The following ZFP64 variants were observed in gnomAD, a reference collection of about 807,000 sequenced individuals.
ZFP64 encodes the protein zinc finger protein 64.
A neutral mutation model predicts 51.6 loss-of-function variants in ZFP64; 14 were observed. The observed-to-expected ratio is 0.27, with a 90% confidence interval of 0.18 to 0.42. The LOEUF (loss-of-function observed/expected upper bound fraction) is 0.42, where lower values mean the gene tolerates loss of function less well. Among genes scored for constraint, ZFP64 ranks in the 10% least tolerant of loss-of-function variants. The pLI, the probability that ZFP64 is intolerant of heterozygous loss-of-function variation, is 1.00. For synonymous variants in ZFP64, 375 were observed against 361.4 expected (o/e 1.04, Z -0.43); for missense variants, 754 against 906.8 (o/e 0.83, Z 2.16).
chr20:52,191,559 G>A lies in ZFP64; in HGVS notation c.46+32C>T. 2 of 1,553,606 alleles carry A rather than the reference G, an allele frequency of 1.3e-6. No individual in the cohort carries two copies. Among genetic ancestry groups the A allele is most frequent in the South Asian group, 1.2e-5 (1 of 84,252 alleles). On this transcript the variant is annotated intron_variant, in intron 1 of 5. Transcript: ENST00000216923. The surrounding 1 kb of genome is among the most constrained non-coding windows in gnomAD (Gnocchi z 4.3). ...GGCCCCGGAGCGCGCACTGGGCCCC[G>A]GAGCGCGCACTGCTCCCGGAAAAGC...
rs539255440 is a variant in ZFP64, at chr20:52,187,348, G to A, written c.47-277C>T. On this transcript the variant is annotated intron_variant, in intron 1 of 5. Coordinates refer to ENST00000216923, the MANE Select transcript of ZFP64 (RefSeq NM_018197.3). ...GAAATCTTCAGAAAATTGGCCAGGC[G>A]CGGTGGCTCATGCCTGTAATCCTGG... 8.5e-5 allele frequency among the ~76,000 whole-genome samples: 13 copies of A among 152,174 alleles called. No individual in the cohort carries two copies. The East Asian group carries it at 1.4e-3, about 16-fold the overall frequency.
downstream of ZFP64, among the ~76,000 whole-genome samples, chr20:52,147,769 C>T (rs111897744): frequency 0.36 from 54,986 of 152,002 alleles, 10,645 homozygotes; most frequent in Non-Finnish European, 0.42. Flanking sequence ...AATCCCAGCA[C>T]TTTGGGAGGC....
chr20:52,110,967 G>C (rs1418002354), intron 5 of ZFP64: 1 of 1,523,794 alleles, frequency 6.6e-7, no homozygotes, highest in African/African-American at 1.4e-5. Context: ...TCACCAAGAC[G>C]AACCTGCTTT....
In ZFP64 at chr20:52,155,875, G is replaced by C. The variant is rs1298580724; in HGVS notation, c.764-2447C>G. 2.6e-5 allele frequency among the ~76,000 whole-genome samples: 4 copies of C among 152,280 alleles called. No homozygotes were observed. In the East Asian group the frequency reaches 7.7e-4, roughly 29 times the overall value. On this transcript the variant is annotated intron_variant, in intron 5 of 5. Transcript: ENST00000216923. ...TTGGGTTGCTACTAAAACAAGTGTT[G>C]ATGTAGTCTATCCAATTGCCGAAAG...
chr20:52,148,968 C>T (rs1343320795), downstream of ZFP64, among the ~76,000 whole-genome samples: 4 of 152,140 alleles, frequency 2.6e-5, no homozygotes, highest in African/African-American at 7.2e-5. Flanking sequence ...TGACTGATGT[C>T]GGGTTAATGT....
In ZFP64 at chr20:52,160,246, C is replaced by T. The variant is rs1489592282; in HGVS notation, c.640G>A (p.Asp214Asn). 1.9e-6 allele frequency: 3 copies of T among 1,613,956 alleles called. No individual in the cohort carries two copies. The highest frequency in any genetic ancestry group is 2.2e-5 in the East Asian group (1 of 44,882). ...KCKTCDYAAA[D>N]SSSLNKHLRI... is the part of the protein sequence containing the mutation. Reference sequence around the variant, plus strand: ...AGGTGCTTGTTGAGGCTGCTGCTGTCGGCAGCGGCGTAGTCACACGTCTTA... The same window carrying T: ...AGGTGCTTGTTGAGGCTGCTGCTGTTGGCAGCGGCGTAGTCACACGTCTTA... The change falls in exon 5 of 6, where the codon GAC becomes AAC. Residue 214 changes from aspartate (D) to asparagine (N), a missense_variant. Around this residue, in one of 3 missense-constraint regions of ZFP64, gnomAD observed 231 missense variants for 336.7 expected, o/e 0.69. Transcript: ENST00000216923. The surrounding 1 kb of genome is among the most constrained non-coding windows in gnomAD (Gnocchi z 4.2).
chr20:52,108,002 G>T (rs1226938947), intron 5 of ZFP64, among the ~76,000 whole-genome samples: 1 of 152,218 alleles, frequency 6.6e-6, no homozygotes, highest in Non-Finnish European at 1.5e-5. Context: ...GAGGTTGGTG[G>T]ATCACTTGAG....
chr20:52,089,035 G>A (rs551660060), intron 7 of ZFP64: 14 of 521,268 alleles, frequency 2.7e-5, no homozygotes, highest in African/African-American at 5.8e-5. Flanking sequence ...CAAGCAGCAC[G>A]GCATCTCCCC....
intron 5 of ZFP64, among the ~76,000 whole-genome samples, chr20:52,099,068 T>C (rs545252554): frequency 1.1e-4 from 16 of 150,244 alleles, no homozygotes; most frequent in Admixed American, 2.6e-4. Context: ...TTCCCCTTAC[T>C]ACGGTTTCCA....
intron 2 of ZFP64, among the ~76,000 whole-genome samples, chr20:52,176,237 C>G (rs1983202126): frequency 6.6e-6 from 1 of 152,120 alleles, no homozygotes; most frequent in Non-Finnish European, 1.5e-5. Flanking sequence ...GACCTTCCCC[C>G]CACCCGCCCA....
At chr20:52,120,934 C>T (rs1187182250) in intron 5 of ZFP64, among the ~76,000 whole-genome samples, 1 of 152,086 alleles carries the variant, frequency 6.6e-6, no homozygotes, top group Non-Finnish European at 1.5e-5. Context: ...GCCTTGGCCT[C>T]CTAAAGTGCT....
In ZFP64 at chr20:52,120,602, C is replaced by T. The variant is rs6096771; in HGVS notation, c.764-22015G>A. On this transcript the variant is annotated intron_variant, in intron 5 of 8. Transcript: ENST00000361387. ...GCTCACTTTGTGTTTCTGTGTCATG[C>T]TGAGATAATTCTTGTAATATTTCAA... 3.6e-3 allele frequency among the ~76,000 whole-genome samples: 532 copies of T among 149,548 alleles called. 3 individuals carry two copies. The highest frequency in any genetic ancestry group is 0.013 in the African/African-American group (513 of 40,610).
At chr20:52,115,105 G>A (rs750731351) in intron 5 of ZFP64, among the ~76,000 whole-genome samples, 11 of 150,960 alleles carry the variant, frequency 7.3e-5, no homozygotes, top group Non-Finnish European at 1.2e-4. Flanking sequence ...CTGGGAGGCT[G>A]AGGCAGGAGA....
intron 5 of ZFP64, among the ~76,000 whole-genome samples, chr20:52,145,651 A>T (rs552609898): frequency 6.6e-6 from 1 of 152,158 alleles, no homozygotes; most frequent in East Asian, 1.9e-4. Context: ...AAACAAAACA[A>T]AACAAAACAA....
chr20:52,100,014 G>A (rs754031622), intron 5 of ZFP64, among the ~76,000 whole-genome samples: 1 of 152,176 alleles, frequency 6.6e-6, no homozygotes, highest in Non-Finnish European at 1.5e-5. Flanking sequence ...CTTTTTTTGA[G>A]ACGGAGTCTC....
chr20:52,138,412 GAC>G, intron 5 of ZFP64, among the ~76,000 whole-genome samples: 1 of 151,862 alleles, frequency 6.6e-6, no homozygotes, highest in East Asian at 1.9e-4. Context: ...TCCTATCAAA[GAC>G]AAGGAGAGGC....
chr20:52,165,431 T>C, intron 3 of ZFP64: 1 of 455,746 alleles, frequency 2.2e-6, no homozygotes. Flanking sequence ...ACAAAGCAAA[T>C]ATAATAAAAT....
chr20:52,134,028 C>CAAAAAA (rs59218544), intron 5 of ZFP64, among the ~76,000 whole-genome samples: 1 of 97,512 alleles, frequency 1.0e-5, no homozygotes. Flanking sequence ...GATCCTGTCT[C>CAAAAAA]AAAAAAAAAA....
chr20:52,179,299 G>C (rs1301250687), intron 2 of ZFP64, among the ~76,000 whole-genome samples: 2 of 152,142 alleles, frequency 1.3e-5, no homozygotes, highest in Non-Finnish European at 2.9e-5. Context: ...TTTGTAAACT[G>C]TTCAGTCTCT....
Sources: gnomAD v4.1 joint callset for allele counts (sites outside exome capture counted in the v4.1 genomes callset) on GRCh38, gnomAD v4.1.1 for gene constraint, gnomAD v4.1.1 regional missense constraint, Gnocchi (gnomAD v3.1) non-coding constraint, MANE v1.5 for transcripts, NCBI Gene and HGNC (gene_info 2026-07-23, HGNC 2026-07-21) for gene names.